Variants in STK38L observed in about 807,000 individuals in gnomAD.
The protein encoded by STK38L is serine/threonine kinase 38 like.
STK38L carries 28 observed loss-of-function variants against 59.7 expected under a neutral mutation model. The ratio of observed to expected loss-of-function variants is 0.47; its 90% CI spans 0.35 to 0.64. The LOEUF is 0.64. Among genes scored for constraint, STK38L ranks in the 30% least tolerant of loss-of-function variants. The probability of loss-of-function intolerance (pLI) is 0.01; values close to 1 mark genes in which losing one functional copy is unlikely to be tolerated. For synonymous variants in STK38L, 162 were observed against 176.8 expected, an observed-to-expected ratio of 0.92 and a Z score of 0.66; for missense variants, 314 against 555.8, an observed-to-expected ratio of 0.56 and a Z score of 4.37.
chr12:27,246,666 G>A (rs1942859848), intron 1 of STK38L, among the ~76,000 whole-genome samples: 1 of 152,196 alleles, frequency 6.6e-6, no homozygotes, highest in South Asian at 2.1e-4. Flanking sequence ...TTATAAACAT[G>A]AAGCATATCC....
Position 27,317,920 on chromosome 12 carries a change from C to T in STK38L, c.980C>T (p.Thr327Ile). 1.2e-6 allele frequency: 2 copies of T among 1,613,892 alleles called. No individual in the cohort carries two copies. The highest frequency in any genetic ancestry group is 2.2e-5 in the East Asian group (1 of 44,864). ...GGATATCCACCTTTCTGCTCTGAAACACCTCAAGAAACGTACAGAAAAGTG... is the reference window on the plus strand; with the variant it reads ...GGATATCCACCTTTCTGCTCTGAAATACCTCAAGAAACGTACAGAAAAGTG... ...LIGYPPFCSE[T>I]PQETYRKVMN... Residue 327 changes from threonine to isoleucine, a missense_variant, in exon 11 of 14, where the codon ACA becomes ATA. Transcript: ENST00000389032.
chr12:27,312,824 T>C, intron 6 of STK38L, 152 bp downstream of exon 6: 1 of 898,946 alleles, frequency 1.1e-6, no homozygotes, highest in South Asian at 1.9e-5. Flanking sequence ...TTGATGCTCA[T>C]TTTTACCACA....
chr12:27,272,808 G>C (rs970724319), intron 1 of STK38L, among the ~76,000 whole-genome samples: 1 of 152,078 alleles, frequency 6.6e-6, no homozygotes, highest in Non-Finnish European at 1.5e-5. Flanking sequence ...CTTGACAGTA[G>C]ATTCTGTGAT....
At chr12:27,264,284 G>C (rs1943258787) in intron 1 of STK38L, among the ~76,000 whole-genome samples, 1 of 152,144 alleles carries the variant, frequency 6.6e-6, no homozygotes. Flanking sequence ...GGTAAGTAAT[G>C]TTACCAACAG....
intron 1 of STK38L, among the ~76,000 whole-genome samples, chr12:27,278,998 G>C (rs1171638897): frequency 6.6e-6 from 1 of 152,168 alleles, no homozygotes; most frequent in Non-Finnish European, 1.5e-5. Flanking sequence ...GTAGGGGCCT[G>C]CCCAAATAGA....
intron 1 of STK38L, among the ~76,000 whole-genome samples, chr12:27,275,872 A>G (rs1943524877): frequency 6.6e-6 from 1 of 152,230 alleles, no homozygotes; most frequent in Admixed American, 6.5e-5. Flanking sequence ...TAATCATGAT[A>G]TGGCTAAAGG....
chr12:27,253,786 C>T (rs7980578), intron 1 of STK38L, among the ~76,000 whole-genome samples: 24,144 of 152,072 alleles, frequency 0.16, 2,198 homozygotes, highest in African/African-American at 0.25. Context: ...ATGTAAGACA[C>T]GAAGCATATT....
At chr12:27,305,437 A>C (rs977843623) in intron 3 of STK38L, among the ~76,000 whole-genome samples, 2 of 152,242 alleles carry the variant, frequency 1.3e-5, no homozygotes, top group Non-Finnish European at 2.9e-5. Context: ...AAATGTTTTT[A>C]ATTCCACAGG....
chr12:27,281,943 G>C (rs781327302), intron 1 of STK38L, among the ~76,000 whole-genome samples: 4 of 152,100 alleles, frequency 2.6e-5, no homozygotes, highest in Non-Finnish European at 5.9e-5. Flanking sequence ...GGCTGATACC[G>C]GAGAATTGCT....
chr12:27,320,638 G>A (rs1459887558), intron 12 of STK38L, among the ~76,000 whole-genome samples: 2 of 151,858 alleles, frequency 1.3e-5, no homozygotes, highest in Non-Finnish European at 2.9e-5. Flanking sequence ...GTCCAGCACT[G>A]TTTTAAGTAC....
At chr12:27,306,600 A>G (rs966190058) in intron 3 of STK38L, among the ~76,000 whole-genome samples, 5 of 152,096 alleles carry the variant, frequency 3.3e-5, no homozygotes, top group Admixed American at 1.3e-4. Flanking sequence ...TTCAGGCCAC[A>G]TTTGTTTTCT....
chr12:27,305,187 C>T (rs926221984), intron 3 of STK38L, among the ~76,000 whole-genome samples: 2 of 152,200 alleles, frequency 1.3e-5, no homozygotes, highest in Non-Finnish European at 2.9e-5. Context: ...TGCAGAATAA[C>T]CAATCACCTG....
chr12:27,271,337 A>G (rs1024550169), intron 1 of STK38L, among the ~76,000 whole-genome samples: 2 of 152,210 alleles, frequency 1.3e-5, no homozygotes, highest in African/African-American at 4.8e-5. Context: ...ATACATTTTC[A>G]CTGTGGTTGG....
chr12:27,301,419 C>T (rs542612768), intron 2 of STK38L, among the ~76,000 whole-genome samples: 107 of 152,256 alleles, frequency 7.0e-4, no homozygotes, highest in African/African-American at 2.1e-3. Context: ...CCACCATGCT[C>T]GGCTAATTTT....
At position 27,314,869 on chromosome 12, in the gene STK38L, C is replaced by T. The variant is rs567975665; in HGVS notation, c.673-146C>T. On this transcript the variant is annotated intron_variant, in intron 7 of 13. Transcript: ENST00000389032. The stretch of plus-strand genomic sequence containing the variant: ...TCCATTTTCTACTTTTAAAAATCAT[C>T]ATCAGATACTTAAAATTTTACATTT... 95 of 846,462 alleles carry T rather than the reference C, an allele frequency of 1.1e-4. 1 individual carries two copies. The highest frequency in any genetic ancestry group is 4.3e-4 in the South Asian group (21 of 48,968). 52.4% of individuals were successfully genotyped at this position (846,462 alleles called of 1,614,324 possible).
intron 5 of STK38L, among the ~76,000 whole-genome samples, chr12:27,311,875 GC>G (rs1250160510): frequency 6.6e-6 from 1 of 151,936 alleles, no homozygotes. Flanking sequence ...AATTTACAGG[GC>G]ATTGCTTACT....
rs915707432 is a variant in STK38L at position 27,286,637 on chromosome 12, TA to T, written c.-11-11064del. ...TTGCTATTTTAAATAATGCTTTGAT[TA>T]AAAAAAAATCTTTGTGGCAATTTTG... On this transcript the variant is annotated intron_variant, in intron 1 of 13. Coordinates refer to ENST00000389032, the MANE Select transcript of STK38L (RefSeq NM_015000.4). 1.0e-3 allele frequency among the ~76,000 whole-genome samples: 153 copies of T among 151,878 alleles called. 1 individual carries two copies. The highest frequency in any genetic ancestry group is 3.4e-3 in the African/African-American group (142 of 41,440).
chr12:27,262,990 G>C (rs2136611203), intron 1 of STK38L, among the ~76,000 whole-genome samples: 1 of 151,930 alleles, frequency 6.6e-6, no homozygotes, highest in Non-Finnish European at 1.5e-5. Context: ...GTAGAGATGG[G>C]GTTTCTCCAC....
intron 1 of STK38L, among the ~76,000 whole-genome samples, chr12:27,271,563 A>T (rs1943423503): frequency 6.6e-6 from 1 of 152,196 alleles, no homozygotes; most frequent in Non-Finnish European, 1.5e-5. Flanking sequence ...AATGGTTTTA[A>T]ATATTCCACA....
Sources: gnomAD v4.1 joint callset for allele counts (sites outside exome capture counted in the v4.1 genomes callset) on GRCh38, gnomAD v4.1.1 for gene constraint, MANE v1.5 for transcripts, NCBI Gene and HGNC (gene_info 2026-07-23, HGNC 2026-07-21) for gene names.